Variants in CIDEC observed in about 807,000 individuals in gnomAD.
CIDEC encodes the protein lipid transferase CIDEC.
A neutral mutation model predicts 21.9 loss-of-function variants in CIDEC; 11 were observed. The observed-to-expected ratio is 0.50, with a 90% CI of 0.32 to 0.83. The LOEUF (loss-of-function observed/expected upper bound fraction) is 0.83, where lower values mean the gene tolerates loss of function less well. Among genes scored for constraint, CIDEC ranks in the 40% least tolerant of loss-of-function variants. CIDEC has a pLI of 0.04. For synonymous variants in CIDEC, 127 were observed against 124.9 expected (o/e 1.02, Z -0.11); for missense variants, 302 against 302.3 (o/e 1.00, Z 0.01).
intron 3 of CIDEC, chr3:9,878,154 C>T: frequency 2.4e-6 from 1 of 419,232 alleles, no homozygotes; most frequent in South Asian, 2.9e-5. Flanking sequence ...CCCCACTTCC[C>T]AAAGTTGTTG....
intron 4 of CIDEC, among the ~76,000 whole-genome samples, chr3:9,875,198 AC>A (rs1394084505): frequency 2.0e-5 from 3 of 151,894 alleles, no homozygotes; most frequent in African/African-American, 7.3e-5. Flanking sequence ...ACACGGTGAA[AC>A]CCCGTCTCTA....
rs1009426926 is a variant in CIDEC at position 9,875,682 on chromosome 3, T to C, written c.207+1384A>G. Among the ~76,000 whole-genome samples, 3 of 152,218 alleles carry C rather than the reference T, an allele frequency of 2.0e-5. No individual in the cohort carries two copies. In the East Asian group the frequency reaches 5.8e-4, roughly 29 times the overall value. Reference sequence around the variant, plus strand: ...TAGTTGTATGATGGCTATCCTTGTTTGTAGAAAGGAGAATATCCTTGTTTG... The same window carrying C: ...TAGTTGTATGATGGCTATCCTTGTTCGTAGAAAGGAGAATATCCTTGTTTG... On this transcript the variant is annotated intron_variant, in intron 4 of 6. Coordinates refer to ENST00000336832, the MANE Select transcript of CIDEC (RefSeq NM_001321142.2).
chr3:9,876,007 T>C, intron 4 of CIDEC, among the ~76,000 whole-genome samples: 1 of 152,298 alleles, frequency 6.6e-6, no homozygotes, highest in East Asian at 1.9e-4. Context: ...AAATTGGCTC[T>C]CCGGAAGAAC....
intron 1 of CIDEC, among the ~76,000 whole-genome samples, chr3:9,879,645 A>C (rs1329355522): frequency 6.6e-6 from 1 of 152,082 alleles, no homozygotes; most frequent in South Asian, 2.1e-4. Flanking sequence ...GAAGGGCCCA[A>C]CCCTTTGCAC....
chr3:9,872,372 G>T (rs375531303), intron 4 of CIDEC, among the ~76,000 whole-genome samples: 1 of 151,024 alleles, frequency 6.6e-6, no homozygotes, highest in African/African-American at 2.4e-5. Flanking sequence ...GTAAGGTTTT[G>T]CCATGTTACC....
chr3:9,879,932 G>C (rs397023), intron 1 of CIDEC, among the ~76,000 whole-genome samples: 1 of 151,910 alleles, frequency 6.6e-6, no homozygotes, highest in Non-Finnish European at 1.5e-5. Context: ...GGGCACAAGG[G>C]GTGGACATAA....
At chr3:9,871,944 T>A (rs1483267393) in intron 4 of CIDEC, among the ~76,000 whole-genome samples, 3 of 151,760 alleles carry the variant, frequency 2.0e-5, no homozygotes, top group African/African-American at 7.3e-5. Flanking sequence ...AATCTTTTTT[T>A]CGTTTGTTTG....
chr3:9,874,784 G>A (rs2125049204), intron 4 of CIDEC, among the ~76,000 whole-genome samples: 1 of 152,196 alleles, frequency 6.6e-6, no homozygotes, highest in African/African-American at 2.4e-5. Context: ...AGGCTGCAGT[G>A]CAGTGGTGCA....
At position 9,870,012 on chromosome 3, in the gene CIDEC, G is replaced by A. The variant is rs1414656804; in HGVS notation, c.424C>T (p.Arg142Cys). ...AGCTTGTACAGATCAAACGTTACACGGGCCACATCAATCTTCTTGGCAGGC... is the reference window on the plus strand; with the variant it reads ...AGCTTGTACAGATCAAACGTTACACAGGCCACATCAATCTTCTTGGCAGGC... ...HKPAKKIDVA[R>C]VTFDLYKLNP... Residue 142 changes from arginine (R) to cysteine (C), a missense_variant, in exon 6 of 7, where the codon CGT (arginine) becomes TGT (cysteine). Coordinates refer to ENST00000336832, the MANE Select transcript of CIDEC (RefSeq NM_001321142.2). The A allele has an allele frequency of 5.0e-6, 8 of 1,614,126 alleles. No individual in the cohort carries two copies. The highest frequency in any genetic ancestry group is 2.2e-5 in the South Asian group (2 of 91,080).
Position 9,878,489 on chromosome 3 carries a change from T to C in CIDEC, c.-3A>G. 1 of 1,613,968 alleles carries C rather than the reference T, an allele frequency of 6.2e-7. No individual in the cohort carries two copies. On this transcript the variant is annotated 5_prime_UTR_variant, in exon 3 of 7. Coordinates refer to ENST00000336832, the MANE Select transcript of CIDEC (RefSeq NM_001321142.2). ...AGGGACTTCATGGCGTATTCCATCC[T>C]TGTCAGCTGGACTGCGTTGGACCTG...
Position 9,867,123 on chromosome 3 carries a change from G to A in CIDEC, c.*11C>T, listed in dbSNP as rs201832167. 6.2e-7 allele frequency: 1 copy of A among 1,612,792 alleles called. No homozygotes were observed. The highest frequency in any genetic ancestry group is 8.5e-7 in the Non-Finnish European group (1 of 1,179,940). Reference sequence around the variant, plus strand: ...TCCTTCACTGGGGAAAGCTTCCAAGGACTTGGGCTTTCACTGCAGTATCTT... The same window carrying A: ...TCCTTCACTGGGGAAAGCTTCCAAGAACTTGGGCTTTCACTGCAGTATCTT... On this transcript the variant is annotated 3_prime_UTR_variant, in exon 7 of 7. Coordinates refer to ENST00000336832, the MANE Select transcript of CIDEC (RefSeq NM_001321142.2).
At chr3:9,876,786 T>TAAAAAA (rs2082429754) in intron 4 of CIDEC, among the ~76,000 whole-genome samples, 1 of 106,610 alleles carries the variant, frequency 9.4e-6, no homozygotes, top group Non-Finnish European at 2.0e-5. Flanking sequence ...AAAAAAAAAC[T>TAAAAAA]AATGGAAGTG....
chr3:9,877,001 C>G, intron 4 of CIDEC, 65 bp downstream of exon 4: 1 of 1,389,080 alleles, frequency 7.2e-7, no homozygotes, highest in Non-Finnish European at 1.0e-6. Flanking sequence ...CCTTCTAAGC[C>G]CTGACCTCCA....
chr3:9,867,469 A>G (rs1428293452), intron 6 of CIDEC, among the ~76,000 whole-genome samples, 173 bp from the exon 7 acceptor site: 1 of 152,122 alleles, frequency 6.6e-6, no homozygotes, highest in Non-Finnish European at 1.5e-5. Context: ...AAAATACAAA[A>G]ACTAGGCAGG....
chr3:9,867,024 G>T lies in CIDEC; in HGVS notation c.*110C>A, dbSNP rs1417004251. ...CTCAGGGTCCTGCGCGGTGAGGGAGGTGTGGGGAGGTTCGCGGCTCTACAG... is the reference window on the plus strand; with the variant it reads ...CTCAGGGTCCTGCGCGGTGAGGGAGTTGTGGGGAGGTTCGCGGCTCTACAG... On this transcript the variant is annotated 3_prime_UTR_variant, in exon 7 of 7. Coordinates refer to ENST00000336832, the MANE Select transcript of CIDEC (RefSeq NM_001321142.2). The T allele has an allele frequency of 1.7e-6, 2 of 1,177,224 alleles. No homozygotes were observed. The highest frequency in any genetic ancestry group is 1.5e-5 in the African/African-American group (1 of 66,448). 72.9% of individuals were successfully genotyped at this position (1,177,224 alleles called of 1,614,324 possible).
At chr3:9,874,715 A>G (rs1213296935) in intron 4 of CIDEC, among the ~76,000 whole-genome samples, 3 of 152,064 alleles carry the variant, frequency 2.0e-5, no homozygotes, top group Non-Finnish European at 2.9e-5. Context: ...AATTGCATAT[A>G]ATTTTGCAGT....
At chr3:9,870,834 C>T (rs904157083) in intron 4 of CIDEC, among the ~76,000 whole-genome samples, 2 of 152,078 alleles carry the variant, frequency 1.3e-5, no homozygotes, top group Admixed American at 1.3e-4. Flanking sequence ...AAGATGGTGT[C>T]TGGCTATGTT....
At position 9,867,010 on chromosome 3, in the gene CIDEC, G is replaced by A. The variant is rs1185454099; in HGVS notation, c.*124C>T. ...GCTCCTCCTCCTCACTCAGGGTCCT[G>A]CGCGGTGAGGGAGGTGTGGGGAGGT... is the stretch of plus-strand genomic sequence containing the variant. On this transcript the variant is annotated 3_prime_UTR_variant, in exon 7 of 7. Transcript: ENST00000336832. The A allele has an allele frequency of 1.1e-5, 12 of 1,060,792 alleles. No individual in the cohort carries two copies. The East Asian group carries it at 2.8e-4, about 25-fold the overall frequency. The allele number at this position is 1,060,792 out of a possible 1,614,324, so 65.7% of individuals were successfully genotyped here. A position where few individuals can be genotyped will look rare whatever the true frequency, so the allele number is the denominator to read the frequency against.
chr3:9,873,237 C>T (rs2082374431), intron 4 of CIDEC, among the ~76,000 whole-genome samples: 1 of 152,050 alleles, frequency 6.6e-6, no homozygotes, highest in African/African-American at 2.4e-5. Flanking sequence ...TCCATTTTTA[C>T]TTACTTCTCT....
Sources: gnomAD v4.1 joint callset for allele counts (sites outside exome capture counted in the v4.1 genomes callset) on GRCh38, gnomAD v4.1.1 for gene constraint, MANE v1.5 for transcripts, NCBI Gene and HGNC (gene_info 2026-07-23, HGNC 2026-07-21) for gene names.